TFCP2L1: variants seen among roughly 807,000 people sequenced by gnomAD.
TFCP2L1 encodes transcription factor CP2-like protein 1.
TFCP2L1 carries 12 observed loss-of-function variants against 72.2 expected under a neutral mutation model. The observed-to-expected ratio is 0.17, with a 90% confidence interval of 0.11 to 0.27. TFCP2L1 has a LOEUF of 0.27. TFCP2L1 is among the 10% of genes least tolerant of loss of function. The pLI, the probability that TFCP2L1 is intolerant of heterozygous loss-of-function variation, is 1.00. For missense variants in TFCP2L1, 488 were observed against 624.6 expected (o/e 0.78, Z 2.33); for synonymous variants, 260 against 251.0 (o/e 1.04, Z -0.34).
chr2:121,270,213 A>G (rs1456011276), intron 2 of TFCP2L1, among the ~76,000 whole-genome samples: 1 of 152,196 alleles, frequency 6.6e-6, no homozygotes, highest in African/African-American at 2.4e-5. Context: ...AAAGAAAAAC[A>G]GACCTTCTTC....
At chr2:121,225,672 T>C in intron 13 of TFCP2L1, 59 bp from the exon 14 acceptor site, 1 of 1,593,182 alleles carries the variant, frequency 6.3e-7, no homozygotes, top group Admixed American at 1.7e-5. Context: ...TTGGAAAGCC[T>C]CGGTGGCAGA....
chr2:121,258,694 A>C (rs1686774082), intron 2 of TFCP2L1, among the ~76,000 whole-genome samples: 1 of 152,210 alleles, frequency 6.6e-6, no homozygotes, highest in Admixed American at 6.5e-5. Flanking sequence ...ATGAAAAATG[A>C]GGGGAGACTG....
intron 1 of TFCP2L1, among the ~76,000 whole-genome samples, chr2:121,282,448 A>C (rs1279951474): frequency 6.6e-6 from 1 of 150,694 alleles, no homozygotes; most frequent in Non-Finnish European, 1.5e-5. Flanking sequence ...TGGGAGGCTG[A>C]GGTGAGAAGA....
rs200495110 is a variant in TFCP2L1 at position 121,250,348 on chromosome 2, A to T, written c.215-701T>A. On this transcript the variant is annotated intron_variant, in intron 2 of 14. Coordinates refer to ENST00000263707, the MANE Select transcript of TFCP2L1 (RefSeq NM_014553.3). ...TACACCATGTTCCCAGAAGACTGTTATATATATATATATATACACACACAC... is the reference window on the plus strand; with the variant it reads ...TACACCATGTTCCCAGAAGACTGTTTTATATATATATATATACACACACAC... Among the ~76,000 whole-genome samples the T allele has an allele frequency of 5.0e-3, 714 of 141,954 alleles. 4 individuals carry two copies. The highest frequency in any genetic ancestry group is 0.02 in the East Asian group (89 of 4,390). The allele number at this position is 141,954 out of a possible 152,430, so 93.1% of individuals were successfully genotyped here.
chr2:121,249,979 C>G (rs958938474), intron 2 of TFCP2L1, among the ~76,000 whole-genome samples: 1 of 152,174 alleles, frequency 6.6e-6, no homozygotes, highest in Non-Finnish European at 1.5e-5. Flanking sequence ...CTTTACAAAC[C>G]CCCCAATACA....
chr2:121,247,550 TAAA>T (rs368752705), intron 5 of TFCP2L1, among the ~76,000 whole-genome samples: 1 of 142,928 alleles, frequency 7.0e-6, no homozygotes. Flanking sequence ...ATTGTAATTG[TAAA>T]AAAAAAAAAA....
In TFCP2L1 at chr2:121,220,484, C is replaced by T. The variant is rs752628975; in HGVS notation, c.*3857G>A. On this transcript the variant is annotated 3_prime_UTR_variant, in exon 15 of 15. Transcript: ENST00000263707. ...TGCAGATACCCCGCAAAAACCGTGACGACCTAAGAGTAAGGAACTCAGCTT... is the reference window on the plus strand; with the variant it reads ...TGCAGATACCCCGCAAAAACCGTGATGACCTAAGAGTAAGGAACTCAGCTT... 14 of 152,232 alleles carry T rather than the reference C, an allele frequency of 9.2e-5. No individual in the cohort carries two copies. The highest frequency in any genetic ancestry group is 1.8e-4 in the Non-Finnish European group (12 of 68,054). 9.4% of individuals were successfully genotyped at this position (152,232 alleles called of 1,614,324 possible).
At chr2:121,270,113 A>G (rs952720947) in intron 2 of TFCP2L1, among the ~76,000 whole-genome samples, 6 of 152,254 alleles carry the variant, frequency 3.9e-5, no homozygotes, top group Non-Finnish European at 7.4e-5. Context: ...AAATGAAAAA[A>G]TATTTCACAT....
At chr2:121,268,682 G>A (rs1273820013) in intron 2 of TFCP2L1, among the ~76,000 whole-genome samples, 3 of 151,680 alleles carry the variant, frequency 2.0e-5, no homozygotes, top group African/African-American at 7.3e-5. Context: ...GAACCAGACT[G>A]GGAGCTGGGT....
intron 2 of TFCP2L1, among the ~76,000 whole-genome samples, chr2:121,269,298 A>G (rs914372872): frequency 2.0e-5 from 3 of 151,786 alleles, no homozygotes; most frequent in African/African-American, 4.8e-5. Flanking sequence ...AAATACAAAA[A>G]TTAGTCAGGC....
chr2:121,262,282 T>C (rs1367833019), intron 2 of TFCP2L1, among the ~76,000 whole-genome samples: 2 of 152,078 alleles, frequency 1.3e-5, no homozygotes, highest in Non-Finnish European at 2.9e-5. Flanking sequence ...CTGCCCAACA[T>C]GGTGAAACCC....
chr2:121,282,319 TA>T (rs539101704), intron 1 of TFCP2L1, among the ~76,000 whole-genome samples: 28,770 of 86,118 alleles, frequency 0.33, 4,143 homozygotes, highest in East Asian at 0.54. Context: ...CTCTCCACAT[TA>T]AAAAAAAAAA....
At chr2:121,245,436 GAAGC>G (rs1686461185) in intron 6 of TFCP2L1, among the ~76,000 whole-genome samples, 1 of 152,200 alleles carries the variant, frequency 6.6e-6, no homozygotes. Context: ...GCAGCAATAG[GAAGC>G]AAGCAGAGTA....
At chr2:121,238,342 C>A (rs1214099750) in intron 8 of TFCP2L1, among the ~76,000 whole-genome samples, 1 of 152,150 alleles carries the variant, frequency 6.6e-6, no homozygotes, top group African/African-American at 2.4e-5. Context: ...GAACAAGCAC[C>A]CGCAGCTTGA....
intron 2 of TFCP2L1, among the ~76,000 whole-genome samples, chr2:121,272,040 T>C (rs1425307222): frequency 6.6e-6 from 1 of 152,184 alleles, no homozygotes; most frequent in Non-Finnish European, 1.5e-5. Context: ...ACAGAGCTCC[T>C]GCACCGAAGT....
chr2:121,250,603 C>T (rs1047603165), intron 2 of TFCP2L1, among the ~76,000 whole-genome samples: 1 of 138,542 alleles, frequency 7.2e-6, no homozygotes, highest in Non-Finnish European at 1.5e-5. Flanking sequence ...TTGGTATTGG[C>T]ATATCTTTTT....
intron 13 of TFCP2L1, among the ~76,000 whole-genome samples, chr2:121,227,324 G>C (rs1353218668): frequency 6.6e-6 from 1 of 152,166 alleles, no homozygotes; most frequent in Non-Finnish European, 1.5e-5. Flanking sequence ...GTATAAGTAA[G>C]TTTTACAAAT....
At chr2:121,261,773 T>A (rs1686833466) in intron 2 of TFCP2L1, among the ~76,000 whole-genome samples, 1 of 152,138 alleles carries the variant, frequency 6.6e-6, no homozygotes, top group African/African-American at 2.4e-5. Flanking sequence ...AGTCATATCC[T>A]CCACCCCAAG....
chr2:121,240,183 T>G, intron 7 of TFCP2L1: 2 of 985,248 alleles, frequency 2.0e-6, no homozygotes, highest in Non-Finnish European at 2.4e-6. Flanking sequence ...CGGTGAAATT[T>G]GATGGTGTTC....
Sources: allele counts gnomAD v4.1 joint callset (sites outside exome capture counted in the v4.1 genomes callset), GRCh38; gene constraint gnomAD v4.1.1; transcripts MANE v1.5; gene names NCBI Gene and HGNC (gene_info 2026-07-23, HGNC 2026-07-21).